SHROOM3: variants seen among roughly 807,000 people sequenced by gnomAD.
SHROOM3 encodes protein Shroom3.
A neutral mutation model predicts 138.6 loss-of-function variants in SHROOM3; 47 were observed. The ratio of observed to expected loss-of-function variants is 0.34; its 90% confidence interval spans 0.27 to 0.43. The LOEUF is 0.43. SHROOM3 is among the 20% of genes least tolerant of loss of function. SHROOM3 has a pLI of 1.00. For missense variants in SHROOM3, 2,491 were observed against 2,596.5 expected, an observed-to-expected ratio of 0.96 and a Z score of 0.88; for synonymous variants, 1,062 against 1,063.3, an observed-to-expected ratio of 1.00 and a Z score of 0.02.
chr4:76,620,903 GA>G (rs1484911962), intron 2 of SHROOM3, among the ~76,000 whole-genome samples: 1 of 151,694 alleles, frequency 6.6e-6, no homozygotes, highest in Non-Finnish European at 1.5e-5. Flanking sequence ...AGAAGCAGAT[GA>G]AAGGATGAAG....
At chr4:76,761,290 G>A (rs940995663) in intron 9 of SHROOM3, among the ~76,000 whole-genome samples, 2 of 152,172 alleles carry the variant, frequency 1.3e-5, no homozygotes, top group East Asian at 1.9e-4. Context: ...CCTCTCACTC[G>A]AAGCATTATG....
At chr4:76,616,997 G>A (rs957913713) in intron 2 of SHROOM3, among the ~76,000 whole-genome samples, 3 of 152,200 alleles carry the variant, frequency 2.0e-5, no homozygotes, top group African/African-American at 7.2e-5. Context: ...TTAAATGAAT[G>A]TGTATTTAAA....
At chr4:76,712,107 G>T (rs1183883478) in intron 3 of SHROOM3, among the ~76,000 whole-genome samples, 1 of 152,152 alleles carries the variant, frequency 6.6e-6, no homozygotes, top group Non-Finnish European at 1.5e-5. Flanking sequence ...GGCCCGATAG[G>T]CTAATCTAAT....
chr4:76,689,543 G>A (rs2110107051), intron 2 of SHROOM3: 1 of 984,200 alleles, frequency 1.0e-6, no homozygotes, highest in Non-Finnish European at 1.2e-6. Context: ...GCGGTGGCGC[G>A]GTGGCGCAGG....
chr4:76,522,115 T>C (rs1345233453), intron 1 of SHROOM3, among the ~76,000 whole-genome samples: 1 of 149,878 alleles, frequency 6.7e-6, no homozygotes, highest in Non-Finnish European at 1.5e-5. Context: ...GGTAGAAACA[T>C]GATAATTAAA....
intron 1 of SHROOM3, among the ~76,000 whole-genome samples, chr4:76,548,245 A>T (rs1345637603): frequency 6.8e-6 from 1 of 147,094 alleles, no homozygotes; most frequent in Non-Finnish European, 1.5e-5. Flanking sequence ...AGTGGAGAAC[A>T]CTAAGAAGTG....
At chr4:76,507,149 G>A (rs1732228563) in intron 1 of SHROOM3, among the ~76,000 whole-genome samples, 1 of 152,162 alleles carries the variant, frequency 6.6e-6, no homozygotes, top group Non-Finnish European at 1.5e-5. Context: ...CAAGGAAGAA[G>A]AAATAAAAGG....
chr4:76,446,619 C>T (rs1471782513), intron 1 of SHROOM3, among the ~76,000 whole-genome samples: 1 of 152,156 alleles, frequency 6.6e-6, no homozygotes, highest in African/African-American at 2.4e-5. Flanking sequence ...AGGAGAAATA[C>T]TAGACGAACA....
intron 6 of SHROOM3, among the ~76,000 whole-genome samples, chr4:76,750,623 C>T (rs550690214): frequency 6.6e-6 from 1 of 152,160 alleles, no homozygotes; most frequent in South Asian, 2.1e-4. Context: ...ATGCAATTTA[C>T]CCATGTAACA....
At chr4:76,549,442 C>T (rs1004090934) in intron 1 of SHROOM3, among the ~76,000 whole-genome samples, 16 of 151,872 alleles carry the variant, frequency 1.1e-4, no homozygotes, top group Admixed American at 4.6e-4. Flanking sequence ...GATCTTGGCT[C>T]ACTGCAACCT....
chr4:76,765,890 G>C (rs574958321), intron 9 of SHROOM3, among the ~76,000 whole-genome samples: 137 of 152,324 alleles, frequency 9.0e-4, no homozygotes, highest in African/African-American at 3.2e-3. Flanking sequence ...AAACTCAACA[G>C]TGGAAAGAAA....
chr4:76,710,241 A>G lies in SHROOM3; in HGVS notation c.409A>G (p.Arg137Gly). 6.2e-7 allele frequency: 1 copy of G among 1,614,134 alleles called. No homozygotes were observed. Among genetic ancestry groups the G allele is most frequent in the Non-Finnish European group, 8.5e-7 (1 of 1,180,004 alleles). ...ACACCTCACCTCTGGCCCCCAGCAC[A>G]GGAAAGCAGCGTGGTCAGGAGGGGT... ...PEHLTSGPQH[R>G]KAAWSGGVKL... is the part of the protein sequence containing the mutation. Residue 137 changes from arginine to glycine, a missense_variant, in exon 3 of 11, where the codon AGG (arginine) becomes GGG (glycine). Physicochemically the swap from Arg to Gly is moderately radical, Grantham distance 125 (BLOSUM62 -2). Coordinates refer to ENST00000296043, the MANE Select transcript of SHROOM3 (RefSeq NM_020859.4).
At chr4:76,593,619 A>C (rs567309690) in intron 2 of SHROOM3, among the ~76,000 whole-genome samples, 1 of 152,324 alleles carries the variant, frequency 6.6e-6, no homozygotes, top group East Asian at 1.9e-4. Context: ...TTAGTAAGCA[A>C]AGTAAACTCT....
chr4:76,454,274 C>T (rs1000768704), intron 1 of SHROOM3, among the ~76,000 whole-genome samples: 1 of 152,178 alleles, frequency 6.6e-6, no homozygotes, highest in African/African-American at 2.4e-5. Context: ...GGACTTCTGA[C>T]CTCAGATGAT....
At position 76,741,788 on chromosome 4, in the gene SHROOM3, C is replaced by A; in HGVS notation, c.3615C>A (p.Thr1205=). 6.3e-7 allele frequency: 1 copy of A among 1,578,534 alleles called. No homozygotes were observed. The highest frequency in any genetic ancestry group is 1.2e-5 in the South Asian group (1 of 86,432). ...GTRGTQRGDE[T]PREPSSWGAR... Reference sequence around the variant, plus strand: ...GGGGCACCCAGAGAGGGGATGAGACCCCCAGGGAGCCATCCTCCTGGGGGG... The same window carrying A: ...GGGGCACCCAGAGAGGGGATGAGACACCCAGGGAGCCATCCTCCTGGGGGG... Residue 1205 remains threonine (T), a synonymous_variant, in exon 5 of 11, where the codon ACC becomes ACA. Coordinates refer to ENST00000296043, the MANE Select transcript of SHROOM3 (RefSeq NM_020859.4). This position sits in a 1 kb window ranked among gnomAD's most constrained non-coding sequence, Gnocchi z 6.2.
rs370201957 is a variant in SHROOM3 at position 76,778,841 on chromosome 4, T to C, written c.5655T>C (p.Ala1885=). 59 of 1,612,484 alleles carry C rather than the reference T, an allele frequency of 3.7e-5. No individual in the cohort carries two copies. In the African/African-American group the frequency reaches 7.5e-4, roughly 20 times the overall value. ...TTTACGAGAAAAGGAAGATCCTGGCTGGTCAGCATGAGGATGCCCGGGAGC... is the reference window on the plus strand; with the variant it reads ...TTTACGAGAAAAGGAAGATCCTGGCCGGTCAGCATGAGGATGCCCGGGAGC... ...SSLYEKRKIL[A]GQHEDARELK... The change falls in exon 11 of 11, where the codon GCT becomes GCC. Residue 1885 remains alanine (A), a synonymous_variant. Transcript: ENST00000296043.
intron 1 of SHROOM3, among the ~76,000 whole-genome samples, chr4:76,544,367 G>A (rs907079296): frequency 4.7e-5 from 7 of 148,700 alleles, no homozygotes; most frequent in Admixed American, 1.3e-4. Context: ...TGACTTTTTG[G>A]GTCCCACTTT....
intron 5 of SHROOM3, among the ~76,000 whole-genome samples, chr4:76,743,927 T>C (rs1178204250): frequency 6.6e-6 from 1 of 152,248 alleles, no homozygotes; most frequent in Non-Finnish European, 1.5e-5. Flanking sequence ...CATAGCAGTC[T>C]AGACACCTTC....
intron 2 of SHROOM3, among the ~76,000 whole-genome samples, chr4:76,703,469 T>C (rs1400016253): frequency 6.6e-6 from 1 of 152,102 alleles, no homozygotes; most frequent in Non-Finnish European, 1.5e-5. Flanking sequence ...TGGTCAGTTA[T>C]CAGAAAATGA....
Sources: gnomAD v4.1 joint callset for allele counts (sites outside exome capture counted in the v4.1 genomes callset) on GRCh38, gnomAD v4.1.1 for gene constraint, Gnocchi (gnomAD v3.1) non-coding constraint, MANE v1.5 for transcripts, NCBI Gene and HGNC (gene_info 2026-07-23, HGNC 2026-07-21) for gene names.